Variants in MARCHF1 observed in about 807,000 individuals in gnomAD.
MARCHF1 encodes the protein E3 ubiquitin-protein ligase MARCHF1.
In MARCHF1, 40 loss-of-function variants were observed where a neutral mutation model predicts 54.2. That is an observed-to-expected ratio of 0.74 (90% CI 0.57 to 0.96). The LOEUF (loss-of-function observed/expected upper bound fraction) is 0.96. MARCHF1 is among the 40% of genes least tolerant of loss of function. The probability of loss-of-function intolerance (pLI) is 0.00; values close to 1 mark genes in which losing one functional copy is unlikely to be tolerated. For missense variants in MARCHF1, 586 were observed against 656.5 expected (o/e 0.89, Z 1.17); for synonymous variants, 236 against 236.3 (o/e 1.00, Z 0.01).
chr4:163,726,582 T>G (rs1205113259), intron 4 of MARCHF1, among the ~76,000 whole-genome samples: 1 of 152,160 alleles, frequency 6.6e-6, no homozygotes, highest in Non-Finnish European at 1.5e-5. Flanking sequence ...ATGTGTAGGT[T>G]TTTGTGAGGG....
At chr4:163,677,663 T>C (rs999543147) in intron 5 of MARCHF1, among the ~76,000 whole-genome samples, 3 of 152,234 alleles carry the variant, frequency 2.0e-5, no homozygotes, top group Non-Finnish European at 2.9e-5. Flanking sequence ...CTTTACATCA[T>C]GTGATATTAT....
intron 2 of MARCHF1, among the ~76,000 whole-genome samples, chr4:164,037,313 C>A (rs564252895): frequency 2.0e-5 from 3 of 151,918 alleles, no homozygotes; most frequent in Non-Finnish European, 4.4e-5. Context: ...CTTAGGTCAT[C>A]AAGGAAGTAA....
chr4:164,210,731 G>T (rs1049231252), intron 1 of MARCHF1, among the ~76,000 whole-genome samples: 1 of 152,024 alleles, frequency 6.6e-6, no homozygotes, highest in Non-Finnish European at 1.5e-5. Flanking sequence ...AATCAGAAAG[G>T]CAGGAGGAAT....
At chr4:164,208,965 T>C (rs1446289997) in intron 1 of MARCHF1, among the ~76,000 whole-genome samples, 2 of 150,068 alleles carry the variant, frequency 1.3e-5, no homozygotes, top group East Asian at 3.9e-4. Context: ...TCTGTCTGTC[T>C]CTCTCTCTCT....
chr4:163,633,263 T>C (rs1446997044), intron 5 of MARCHF1, among the ~76,000 whole-genome samples: 2 of 152,164 alleles, frequency 1.3e-5, no homozygotes, highest in Non-Finnish European at 2.9e-5. Flanking sequence ...TTTGACGAGC[T>C]GAGAGAAGAA....
intron 1 of MARCHF1, among the ~76,000 whole-genome samples, chr4:164,176,980 C>CTCTATATATATATATATA (rs1466683245): frequency 3.4e-5 from 2 of 58,916 alleles, no homozygotes; most frequent in African/African-American, 1.4e-4. Flanking sequence ...CTCTCTCTCT[C>CTCTATATATATATATATA]TATATATATA....
intron 1 of MARCHF1, among the ~76,000 whole-genome samples, chr4:164,336,861 G>A (rs1729755269): frequency 6.6e-6 from 1 of 152,096 alleles, no homozygotes; most frequent in Non-Finnish European, 1.5e-5. Flanking sequence ...TATACACACT[G>A]GCATTTTAAT....
chr4:164,095,835 A>T (rs1373415930), intron 2 of MARCHF1, among the ~76,000 whole-genome samples: 1 of 152,184 alleles, frequency 6.6e-6, no homozygotes, highest in Non-Finnish European at 1.5e-5. Context: ...ATCACTAATC[A>T]TCAGAGAAAT....
intron 5 of MARCHF1, among the ~76,000 whole-genome samples, chr4:163,646,577 T>A (rs796849589): frequency 6.6e-6 from 1 of 152,014 alleles, no homozygotes; most frequent in Admixed American, 6.6e-5. Context: ...GCTGTGATAA[T>A]TTGTTAAGGA....
intron 2 of MARCHF1, among the ~76,000 whole-genome samples, chr4:163,990,073 G>T (rs1752944017): frequency 6.6e-6 from 1 of 152,120 alleles, no homozygotes; most frequent in African/African-American, 2.4e-5. Context: ...TGTGAAAAAA[G>T]ATCTGTACTG....
intron 5 of MARCHF1, among the ~76,000 whole-genome samples, chr4:163,634,735 CACCAAGCGG>C (rs1325867299): frequency 6.7e-6 from 1 of 149,452 alleles, no homozygotes; most frequent in Admixed American, 6.7e-5. Flanking sequence ...CTCAGCTCTG[CACCAAGCGG>C]ACCTAATAGA....
chr4:163,983,398 ATTAT>A (rs1398199754), intron 3 of MARCHF1, among the ~76,000 whole-genome samples: 3 of 152,110 alleles, frequency 2.0e-5, no homozygotes, highest in African/African-American at 7.2e-5. Context: ...TTTGACCATT[ATTAT>A]TTATTTTTTC....
intron 4 of MARCHF1, among the ~76,000 whole-genome samples, chr4:163,801,615 T>G (rs1331064454): frequency 6.6e-6 from 1 of 152,092 alleles, no homozygotes; most frequent in Non-Finnish European, 1.5e-5. Flanking sequence ...CTATATACCA[T>G]CTGTGCACCC....
intron 3 of MARCHF1, among the ~76,000 whole-genome samples, chr4:163,936,625 G>C (rs1462496246): frequency 1.3e-5 from 2 of 152,152 alleles, no homozygotes. Context: ...AGGCCTCTGG[G>C]AGCAGGCACT....
Position 163,614,671 on chromosome 4 carries a change from C to T in MARCHF1, c.163-1278G>A, listed in dbSNP as rs10014684. Among the ~76,000 whole-genome samples, 1,067 of 151,834 alleles carry T rather than the reference C, an allele frequency of 7.0e-3. 19 individuals carry two copies. Among genetic ancestry groups the T allele is most frequent in the African/African-American group, 0.023 (939 of 41,276 alleles). The stretch of plus-strand genomic sequence containing the variant: ...AGGTATAGTAGGCTAAATAATGGTC[C>T]CCCCAAATATCTCAACATCCTAATC... On this transcript the variant is annotated intron_variant, in intron 5 of 9. Coordinates refer to ENST00000514618, the MANE Select transcript of MARCHF1 (RefSeq NM_001394959.1).
chr4:164,360,692 G>T (rs1311795690), intron 1 of MARCHF1, among the ~76,000 whole-genome samples: 2 of 152,118 alleles, frequency 1.3e-5, no homozygotes, highest in African/African-American at 4.8e-5. Context: ...GGATATGCTT[G>T]GAGAAACACT....
At chr4:163,645,324 C>T (rs532309785) in intron 5 of MARCHF1, among the ~76,000 whole-genome samples, 12 of 152,116 alleles carry the variant, frequency 7.9e-5, no homozygotes, top group African/African-American at 1.4e-4. Context: ...CCCATACAAC[C>T]GCAGTCCTAG....
rs142532333 is a variant in MARCHF1 at position 163,621,166 on chromosome 4, A to C, written c.163-7773T>G. 3.0e-3 allele frequency among the ~76,000 whole-genome samples: 458 copies of C among 152,332 alleles called. 3 individuals carry two copies. The highest frequency in any genetic ancestry group is 0.01 in the African/African-American group (416 of 41,588). ...TGTAATAGGACACTGATCTTGAAAT[A>C]CTATAATTCTTTTTACTAATTCTCA... is the stretch of plus-strand genomic sequence containing the variant. On this transcript the variant is annotated intron_variant, in intron 5 of 9. Transcript: ENST00000514618.
At chr4:163,966,275 A>T (rs1486446255) in intron 3 of MARCHF1, among the ~76,000 whole-genome samples, 1 of 152,014 alleles carries the variant, frequency 6.6e-6, no homozygotes, top group African/African-American at 2.4e-5. Flanking sequence ...ATTTCATTGT[A>T]ATTAGGTTAT....
Sources: gnomAD v4.1 joint callset for allele counts (sites outside exome capture counted in the v4.1 genomes callset) on GRCh38, gnomAD v4.1.1 for gene constraint, MANE v1.5 for transcripts, NCBI Gene and HGNC (gene_info 2026-07-23, HGNC 2026-07-21) for gene names.